ELAPOR2: variants seen among roughly 807,000 people sequenced by gnomAD.
ELAPOR2 encodes endosome/lysosome-associated apoptosis and autophagy regulator family member 2.
A neutral mutation model predicts 120.7 loss-of-function variants in ELAPOR2; 89 were observed. The ratio of observed to expected loss-of-function variants is 0.74; its 90% CI spans 0.62 to 0.88. The LOEUF (loss-of-function observed/expected upper bound fraction) is 0.88, where lower values mean the gene tolerates loss of function less well. Among genes scored for constraint, ELAPOR2 ranks in the 40% least tolerant of loss-of-function variants. The pLI is 0.00. For synonymous variants in ELAPOR2, 444 were observed against 444.9 expected (o/e 1.00, Z 0.03); for missense variants, 1,134 against 1,251.6 (o/e 0.91, Z 1.42).
rs183543377 is a variant in ELAPOR2, at chr7:87,025,164, C to T, written c.189+34161G>A. On this transcript the variant is annotated intron_variant, in intron 1 of 21. Transcript: ENST00000450689. The stretch of plus-strand genomic sequence containing the variant: ...TCATGCTAAATGTCTAAATTCAATT[C>T]GTTTAGATGACTAAATGAAATTGTA... Among the ~76,000 whole-genome samples, 140 of 152,086 alleles carry T rather than the reference C, an allele frequency of 9.2e-4. 1 individual carries two copies. Among genetic ancestry groups the T allele is most frequent in the African/African-American group, 3.3e-3 (135 of 41,496 alleles).
chr7:86,955,509 G>A (rs1791435316), intron 2 of ELAPOR2, among the ~76,000 whole-genome samples: 1 of 151,982 alleles, frequency 6.6e-6, no homozygotes, highest in South Asian at 2.1e-4. Context: ...GAGAAAGGAA[G>A]GTAACACTGT....
chr7:86,961,416 G>A (rs910420373), intron 2 of ELAPOR2, among the ~76,000 whole-genome samples: 1 of 152,182 alleles, frequency 6.6e-6, no homozygotes, highest in African/African-American at 2.4e-5. Flanking sequence ...ATAAAAGGGA[G>A]AAATACATTA....
chr7:87,030,288 A>T lies in ELAPOR2; in HGVS notation c.189+29037T>A, dbSNP rs985546465. Among the ~76,000 whole-genome samples the T allele has an allele frequency of 3.3e-5, 5 of 152,288 alleles. No individual in the cohort carries two copies. In the East Asian group the frequency reaches 9.6e-4, roughly 29 times the overall value. On this transcript the variant is annotated intron_variant, in intron 1 of 21. Transcript: ENST00000450689. ...GGGACATGTCAGTCAGTCACAGTAC[A>T]TACCAATACCTTTTCTCTTCCTGGA...
chr7:87,039,810 C>T (rs900200678), intron 1 of ELAPOR2, among the ~76,000 whole-genome samples: 5 of 152,188 alleles, frequency 3.3e-5, no homozygotes, highest in African/African-American at 9.7e-5. Context: ...CAGCTCCCAG[C>T]GTGAGCGACG....
At chr7:86,954,046 C>T (rs368244489) in intron 2 of ELAPOR2, among the ~76,000 whole-genome samples, 6 of 152,222 alleles carry the variant, frequency 3.9e-5, no homozygotes, top group South Asian at 2.1e-4. Context: ...TAATCAGATA[C>T]GGAAAAAGCA....
At chr7:87,029,122 TA>T (rs1449775336) in intron 1 of ELAPOR2, among the ~76,000 whole-genome samples, 2 of 152,196 alleles carry the variant, frequency 1.3e-5, no homozygotes, top group African/African-American at 4.8e-5. Context: ...ACTTCTCATG[TA>T]TTTGTATAAT....
At chr7:86,906,601 T>C (rs913033583) in intron 18 of ELAPOR2, among the ~76,000 whole-genome samples, 2 of 152,166 alleles carry the variant, frequency 1.3e-5, no homozygotes, top group Non-Finnish European at 2.9e-5. Context: ...CAAGGGTTAC[T>C]GTGAAACTAT....
intron 2 of ELAPOR2, among the ~76,000 whole-genome samples, chr7:86,951,659 C>T (rs1411574149): frequency 6.6e-6 from 1 of 152,044 alleles, no homozygotes; most frequent in Non-Finnish European, 1.5e-5. Flanking sequence ...ATGAATTTAC[C>T]CCAAACACTA....
intron 4 of ELAPOR2, among the ~76,000 whole-genome samples, chr7:86,942,969 T>C (rs942565694): frequency 2.6e-5 from 4 of 152,086 alleles, no homozygotes; most frequent in Admixed American, 2.6e-4. Context: ...TTAAGAGCTA[T>C]TCCCTAAAGA....
chr7:86,989,966 T>G (rs182729757), intron 1 of ELAPOR2, among the ~76,000 whole-genome samples: 61 of 152,212 alleles, frequency 4.0e-4, no homozygotes, highest in Non-Finnish European at 7.4e-4. Context: ...CACACTGAAA[T>G]TTAATCCCCA....
intron 4 of ELAPOR2, 26 bp from the exon 5 acceptor site, chr7:86,942,130 G>A (rs1272577715): frequency 2.2e-6 from 3 of 1,365,438 alleles, no homozygotes; most frequent in Non-Finnish European, 3.1e-6. Context: ...AAGAGCCCTA[G>A]TAAAGTGTCT....
chr7:86,920,825 T>C (rs1263293683), intron 10 of ELAPOR2: 1 of 152,066 alleles, frequency 6.6e-6, no homozygotes, highest in Non-Finnish European at 1.5e-5. Context: ...GGTGTTTAGG[T>C]TGTTGTCTAA....
chr7:86,891,856 C>T lies in ELAPOR2; in HGVS notation c.2898G>A (p.Thr966=), dbSNP rs370763886. ...LEYKYSKLVM[T]TNSKECELPA... is the part of the protein sequence containing the mutation. ...GGAGTTCACACTCTTTTGAGTTAGT[C>T]GTCATTACTAACTTGGAATATTTGT... Residue 966 remains threonine (T), a synonymous_variant, in exon 21 of 22, where the codon ACG becomes ACA. Transcript: ENST00000450689. 7.4e-5 allele frequency: 119 copies of T among 1,607,884 alleles called. No individual in the cohort carries two copies. The highest frequency in any genetic ancestry group is 1.0e-4 in the Admixed American group (6 of 59,510).
At chr7:86,907,408 A>G in intron 18 of ELAPOR2, among the ~76,000 whole-genome samples, 1 of 152,048 alleles carries the variant, frequency 6.6e-6, no homozygotes, top group East Asian at 1.9e-4. Context: ...AATTAATTTT[A>G]TATTTCTTCA....
intron 1 of ELAPOR2, among the ~76,000 whole-genome samples, chr7:86,999,465 T>C (rs1562962458): frequency 6.6e-6 from 1 of 152,172 alleles, no homozygotes; most frequent in East Asian, 1.9e-4. Context: ...TAAGTTATCA[T>C]CTTGACAATT....
chr7:86,908,381 G>A lies in ELAPOR2; in HGVS notation c.2456+66C>T. 3 of 789,412 alleles carry A rather than the reference G, an allele frequency of 3.8e-6. No individual in the cohort carries two copies. In the East Asian group the frequency reaches 7.8e-5, roughly 21 times the overall value. The allele number at this position is 789,412 out of a possible 1,614,324, so 48.9% of individuals were successfully genotyped here. A position where few individuals can be genotyped will look rare whatever the true frequency, so the allele number is the denominator to read the frequency against. The stretch of plus-strand genomic sequence containing the variant: ...CCATAATTATAAATATATGAGTATT[G>A]GTGTTCCATATATATAAGTTTCTTT... On this transcript the variant is annotated intron_variant, in intron 17 of 21. Coordinates refer to ENST00000450689, the MANE Select transcript of ELAPOR2 (RefSeq NM_001142749.3).
At chr7:87,044,283 G>T (rs1794873894) in intron 1 of ELAPOR2, among the ~76,000 whole-genome samples, 1 of 71,612 alleles carries the variant, frequency 1.4e-5, no homozygotes, top group African/African-American at 5.9e-5. Context: ...AACCAAAAAA[G>T]AGCCCGCATC....
At chr7:87,009,445 T>C (rs1793585758) in intron 1 of ELAPOR2, among the ~76,000 whole-genome samples, 10 of 152,154 alleles carry the variant, frequency 6.6e-5, no homozygotes, top group Admixed American at 6.6e-4. Flanking sequence ...CAGTTTGCCT[T>C]GGGAATAGAG....
Position 86,918,459 on chromosome 7 carries a change from C to T in ELAPOR2, c.1576G>A (p.Val526Ile), listed in dbSNP as rs1789670361. The T allele has an allele frequency of 6.2e-7, 1 of 1,607,766 alleles. No homozygotes were observed. The highest frequency in any genetic ancestry group is 8.5e-7 in the Non-Finnish European group (1 of 1,176,156). Reference sequence around the variant, plus strand: ...CCACTTACCACCATGAAGTACAAAACACAGTCAGCTGAACAGAGGGTCTCA... The same window carrying T: ...CCACTTACCACCATGAAGTACAAAATACAGTCAGCTGAACAGAGGGTCTCA... ...VFETLCSADCVLYFMVDINRK... is the reference protein window; with the variant it reads ...VFETLCSADCILYFMVDINRK... Residue 526 changes from valine (V) to isoleucine (I), a missense_variant, in exon 12 of 22, where the codon GTT becomes ATT. Val to Ile is a conservative substitution (Grantham distance 29). Around this residue, in one of 3 missense-constraint regions of ELAPOR2, gnomAD observed 831 missense variants for 867.6 expected, o/e 0.96. Coordinates refer to ENST00000450689, the MANE Select transcript of ELAPOR2 (RefSeq NM_001142749.3).
Sources: allele counts gnomAD v4.1 joint callset (sites outside exome capture counted in the v4.1 genomes callset), GRCh38; gene constraint gnomAD v4.1.1; regional missense constraint gnomAD v4.1.1; transcripts MANE v1.5; gene names NCBI Gene and HGNC (gene_info 2026-07-23, HGNC 2026-07-21).